The following NAALADL2 variants were observed in gnomAD, a reference collection of about 807,000 sequenced individuals.
The protein encoded by NAALADL2 is N-acetylated alpha-linked acidic dipeptidase like 2, also known as inactive N-acetylated-alpha-linked acidic dipeptidase-like protein 2.
A neutral mutation model predicts 87.2 loss-of-function variants in NAALADL2; 76 were observed. The ratio of observed to expected loss-of-function variants is 0.87; its 90% CI spans 0.72 to 1.05. The LOEUF is 1.05. NAALADL2 is among the 50% of genes least tolerant of loss of function. The probability of loss-of-function intolerance (pLI) is 0.00; values close to 1 mark genes in which losing one functional copy is unlikely to be tolerated. For missense variants in NAALADL2, 1,089 were observed against 945.8 expected, an observed-to-expected ratio of 1.15 and a Z score of -1.99; for synonymous variants, 354 against 331.0, an observed-to-expected ratio of 1.07 and a Z score of -0.75.
intron 10 of NAALADL2, among the ~76,000 whole-genome samples, chr3:175,579,283 A>C (rs922437441): frequency 6.6e-6 from 1 of 152,150 alleles, no homozygotes; most frequent in African/African-American, 2.4e-5. Context: ...CAAGTGAATC[A>C]TGATAATAGG....
chr3:175,664,620 T>C (rs568021877), intron 11 of NAALADL2, among the ~76,000 whole-genome samples: 7 of 152,272 alleles, frequency 4.6e-5, no homozygotes, highest in Non-Finnish European at 7.4e-5. Flanking sequence ...ACAATATTTG[T>C]ATTTTTGATT....
chr3:174,918,048 A>G (rs1734644295), intron 1 of NAALADL2, among the ~76,000 whole-genome samples: 1 of 152,130 alleles, frequency 6.6e-6, no homozygotes, highest in Non-Finnish European at 1.5e-5. Context: ...ATGTTTAGAA[A>G]CATCCACTGC....
chr3:175,079,552 A>G (rs1361073836), intron 1 of NAALADL2: 1 of 152,188 alleles, frequency 6.6e-6, no homozygotes. Context: ...TTTTTCTAAC[A>G]TGTTTTTGGA....
At chr3:175,151,758 T>C (rs1259793725) in intron 2 of NAALADL2, among the ~76,000 whole-genome samples, 2 of 152,138 alleles carry the variant, frequency 1.3e-5, no homozygotes, top group African/African-American at 4.8e-5. Flanking sequence ...ATAGAACTTT[T>C]TAAATGAATG....
intron 2 of NAALADL2, among the ~76,000 whole-genome samples, chr3:175,210,762 A>G (rs1237175306): frequency 6.6e-6 from 1 of 151,734 alleles, no homozygotes; most frequent in Non-Finnish European, 1.5e-5. Context: ...AAAAAAAAGC[A>G]TGGTTCCTAA....
At chr3:175,557,327 A>C (rs4258976) in intron 9 of NAALADL2, among the ~76,000 whole-genome samples, 27,226 of 152,150 alleles carry the variant, frequency 0.18, 6,677 homozygotes, top group African/African-American at 0.56. Context: ...TGCAAGCATG[A>C]AGTGTGTAAT....
At chr3:175,011,272 C>CAGAGAGAGAGAGAG (rs1408169414) in intron 1 of NAALADL2, among the ~76,000 whole-genome samples, 5 of 110,368 alleles carry the variant, frequency 4.5e-5, no homozygotes, top group African/African-American at 1.2e-4. Flanking sequence ...GGGAGAGAGA[C>CAGAGAGAGAGAGAG]AGAGAGACAG....
At chr3:175,011,899 T>A (rs1166737517) in intron 1 of NAALADL2, among the ~76,000 whole-genome samples, 2 of 152,120 alleles carry the variant, frequency 1.3e-5, no homozygotes, top group Non-Finnish European at 2.9e-5. Context: ...AGTAGTATTA[T>A]AATTGGGAAA....
chr3:175,172,173 C>T (rs887761443), intron 2 of NAALADL2, among the ~76,000 whole-genome samples: 1 of 151,976 alleles, frequency 6.6e-6, no homozygotes, highest in South Asian at 2.1e-4. Context: ...CCCACAAATA[C>T]GTGTAATGTT....
At chr3:174,877,495 C>T (rs989338119) in intron 1 of NAALADL2, among the ~76,000 whole-genome samples, 2 of 152,060 alleles carry the variant, frequency 1.3e-5, no homozygotes, top group African/African-American at 2.4e-5. Flanking sequence ...CTCTGCCATA[C>T]CCCCAAATCC....
intron 5 of NAALADL2, among the ~76,000 whole-genome samples, chr3:175,372,529 G>A (rs1209743476): frequency 6.6e-6 from 1 of 152,216 alleles, no homozygotes; most frequent in Non-Finnish European, 1.5e-5. Flanking sequence ...GATAAAGGCT[G>A]AAGCTATAGT....
chr3:174,902,672 C>A (rs980597997), intron 1 of NAALADL2, among the ~76,000 whole-genome samples: 1 of 152,010 alleles, frequency 6.6e-6, no homozygotes, highest in South Asian at 2.1e-4. Context: ...AGTTATTTAT[C>A]TATTGAAACT....
chr3:174,632,791 T>C (rs1722242944), intron 2 of NAALADL2, among the ~76,000 whole-genome samples: 1 of 151,554 alleles, frequency 6.6e-6, no homozygotes, highest in Non-Finnish European at 1.5e-5. Flanking sequence ...AAAAAATAGC[T>C]GAGTGTGGTG....
intron 2 of NAALADL2, among the ~76,000 whole-genome samples, chr3:175,203,632 A>G (rs1030241209): frequency 2.0e-5 from 3 of 152,136 alleles, no homozygotes; most frequent in East Asian, 1.9e-4. Flanking sequence ...GTCCTGAACC[A>G]CAATCTAGTC....
At chr3:174,906,246 A>G (rs1023196082) in intron 1 of NAALADL2, among the ~76,000 whole-genome samples, 3 of 152,114 alleles carry the variant, frequency 2.0e-5, no homozygotes, top group African/African-American at 4.8e-5. Flanking sequence ...GAAACATGCA[A>G]TCAGCATCTT....
At chr3:174,538,087 C>G (rs1324756914) in intron 1 of NAALADL2, among the ~76,000 whole-genome samples, 1 of 152,138 alleles carries the variant, frequency 6.6e-6, no homozygotes, top group Non-Finnish European at 1.5e-5. Flanking sequence ...GTTGCCCCAG[C>G]AGAGGCTCCC....
At chr3:174,731,532 A>G (rs544326187) in intron 2 of NAALADL2, among the ~76,000 whole-genome samples, 2 of 152,274 alleles carry the variant, frequency 1.3e-5, no homozygotes, top group South Asian at 4.1e-4. Flanking sequence ...ATCTTTAAAG[A>G]AAATGGATCT....
At position 174,608,055 on chromosome 3, in the gene NAALADL2, T is replaced by C. The variant is rs1240715156; in HGVS notation, c.-115+57418T>C. ...CTACATGGAAACTGAACAACCTGCT[T>C]CTGAATGACTACTGGGTACATAACG... On this transcript the variant is annotated intron_variant, in intron 2 of 3. Transcript: ENST00000434257. Among the ~76,000 whole-genome samples, 12 of 152,024 alleles carry C rather than the reference T, an allele frequency of 7.9e-5. No individual in the cohort carries two copies. The East Asian group carries it at 9.7e-4, about 12-fold the overall frequency.
At chr3:174,706,709 C>T (rs547039833) in intron 2 of NAALADL2, among the ~76,000 whole-genome samples, 4 of 152,264 alleles carry the variant, frequency 2.6e-5, no homozygotes, top group East Asian at 3.9e-4. Flanking sequence ...GAAGTCCTTG[C>T]CCATGCCTAT....
Sources: gnomAD v4.1 joint callset for allele counts (sites outside exome capture counted in the v4.1 genomes callset) on GRCh38, gnomAD v4.1.1 for gene constraint, MANE v1.5 for transcripts, NCBI Gene and HGNC (gene_info 2026-07-23, HGNC 2026-07-21) for gene names.